The following ARL5B variants were observed in gnomAD, a reference collection of about 807,000 sequenced individuals.
ARL5B encodes ARF like GTPase 5B.
ARL5B carries 10 observed loss-of-function variants against 26.9 expected under a neutral mutation model. The observed-to-expected ratio is 0.37, with a 90% CI of 0.23 to 0.63. ARL5B has a LOEUF of 0.63. ARL5B is among the 30% of genes least tolerant of loss of function. ARL5B has a pLI of 0.62. For synonymous variants in ARL5B, 87 were observed against 70.4 expected, an observed-to-expected ratio of 1.24 and a Z score of -1.18; for missense variants, 167 against 213.9, an observed-to-expected ratio of 0.78 and a Z score of 1.37.
intron 4 of ARL5B, among the ~76,000 whole-genome samples, chr10:18,673,706 G>A (rs2131646643): frequency 6.6e-6 from 1 of 150,960 alleles, no homozygotes; most frequent in South Asian, 2.1e-4. Flanking sequence ...TACCATATTT[G>A]CCTATTAGAA....
chr10:18,660,326 G>A (rs1212900317), intron 1 of ARL5B, among the ~76,000 whole-genome samples: 2 of 152,188 alleles, frequency 1.3e-5, no homozygotes, highest in African/African-American at 2.4e-5. Flanking sequence ...ACACCTGGAA[G>A]TGGCAGGTCC....
chr10:18,672,865 T>C (rs1186272138), intron 4 of ARL5B, among the ~76,000 whole-genome samples, 160 bp downstream of exon 4: 1 of 152,152 alleles, frequency 6.6e-6, no homozygotes, highest in Admixed American at 6.6e-5. Flanking sequence ...AAAAAAAATG[T>C]TCATTACTTT....
At chr10:18,663,254 C>G (rs1029125279) in intron 1 of ARL5B, among the ~76,000 whole-genome samples, 1 of 151,934 alleles carries the variant, frequency 6.6e-6, no homozygotes, top group Non-Finnish European at 1.5e-5. Flanking sequence ...GTGATCTACT[C>G]GCCTCCCAAA....
At chr10:18,662,368 A>G (rs2059840844) in intron 1 of ARL5B, among the ~76,000 whole-genome samples, 1 of 152,140 alleles carries the variant, frequency 6.6e-6, no homozygotes, top group Non-Finnish European at 1.5e-5. Flanking sequence ...TAAATTAGAT[A>G]CCTTTCTGTG....
Position 18,677,768 on chromosome 10 carries a change from C to G in ARL5B, c.*2552C>G, listed in dbSNP as rs1590231426. The G allele has an allele frequency of 6.6e-6, 1 of 152,138 alleles. No individual in the cohort carries two copies. Among genetic ancestry groups the G allele is most frequent in the Admixed American group, 6.6e-5 (1 of 15,206 alleles). 9.4% of individuals were successfully genotyped at this position (152,138 alleles called of 1,614,324 possible). A position where few individuals can be genotyped will look rare whatever the true frequency, so the allele number is the denominator to read the frequency against. The stretch of plus-strand genomic sequence containing the variant: ...TATATTATACCTGTTCTTTAGAAGT[C>G]ATGTTAGCAGCTAATTATTTCAGTG... On this transcript the variant is annotated 3_prime_UTR_variant, in exon 6 of 6. Coordinates refer to ENST00000377275, the MANE Select transcript of ARL5B (RefSeq NM_178815.5).
In ARL5B at chr10:18,678,533, A is replaced by G. The variant is rs2059919637; in HGVS notation, c.*3317A>G. ...AGTGTAGTTTCTTAGAACAAATTAT[A>G]AACATAATCATTCTGAATAATCAAT... On this transcript the variant is annotated 3_prime_UTR_variant, in exon 6 of 6. Coordinates refer to ENST00000377275, the MANE Select transcript of ARL5B (RefSeq NM_178815.5). The G allele has an allele frequency of 6.6e-6, 1 of 151,904 alleles. No homozygotes were observed. Among genetic ancestry groups the G allele is most frequent in the African/African-American group, 2.4e-5 (1 of 41,442 alleles). 9.4% of individuals were successfully genotyped at this position (151,904 alleles called of 1,614,324 possible).
At chr10:18,660,664 AGATT>A (rs1220085834) in intron 1 of ARL5B, among the ~76,000 whole-genome samples, 1 of 152,166 alleles carries the variant, frequency 6.6e-6, no homozygotes, top group East Asian at 1.9e-4. Context: ...CTTGTTCTGT[AGATT>A]GATAAGAACA....
At chr10:18,672,325 A>G (rs1244616816) in intron 3 of ARL5B, among the ~76,000 whole-genome samples, 3 of 152,348 alleles carry the variant, frequency 2.0e-5, no homozygotes, top group South Asian at 4.1e-4. Flanking sequence ...GCTTTTTACT[A>G]CCAGCATTTG....
intron 3 of ARL5B, among the ~76,000 whole-genome samples, chr10:18,670,650 A>T (rs2059882974): frequency 6.6e-6 from 1 of 152,200 alleles, no homozygotes. Context: ...ATGACATTGT[A>T]GCATATGATT....
chr10:18,660,011 C>T (rs537321583), intron 1 of ARL5B: 11 of 916,660 alleles, frequency 1.2e-5, no homozygotes, highest in Non-Finnish European at 1.4e-5. Context: ...TTGAAGCGTG[C>T]TTGTGTCTAT....
At chr10:18,675,081 C>A in intron 5 of ARL5B, 87 bp from the exon 6 acceptor site, 2 of 1,208,590 alleles carry the variant, frequency 1.7e-6, no homozygotes, top group South Asian at 1.3e-5. Flanking sequence ...TGCTACCAGC[C>A]TTTGGTTAAG....
At chr10:18,672,926 T>G (rs1402842266) in intron 4 of ARL5B, among the ~76,000 whole-genome samples, 3 of 152,212 alleles carry the variant, frequency 2.0e-5, no homozygotes, top group African/African-American at 7.2e-5. Flanking sequence ...CTACTGTTAT[T>G]GTAAAAATTT....
intron 1 of ARL5B, among the ~76,000 whole-genome samples, chr10:18,660,061 CT>C (rs547976951): frequency 9.7e-4 from 141 of 145,990 alleles, no homozygotes; most frequent in Admixed American, 1.2e-3. Context: ...AAACCTAGAA[CT>C]TTTTTTTTTT....
rs2059928051 is a variant in ARL5B at position 18,680,540 on chromosome 10, T to C, written c.*5324T>C. The C allele has an allele frequency of 1.3e-5, 2 of 152,230 alleles. No homozygotes were observed. Among genetic ancestry groups the C allele is most frequent in the Admixed American group, 6.5e-5 (1 of 15,292 alleles). The allele number at this position is 152,230 out of a possible 1,614,324, so 9.4% of individuals were successfully genotyped here. On this transcript the variant is annotated 3_prime_UTR_variant, in exon 6 of 6. Coordinates refer to ENST00000377275, the MANE Select transcript of ARL5B (RefSeq NM_178815.5). ...GTGACTTATTTGCATATTTAAGCCC[T>C]ATTCACAAGAGACCATAATCATTTT...
chr10:18,660,048 C>T (rs1373316662), intron 1 of ARL5B, among the ~76,000 whole-genome samples: 3 of 151,886 alleles, frequency 2.0e-5, no homozygotes, highest in Non-Finnish European at 2.9e-5. Context: ...AGTGTCCGCC[C>T]AGAAACCTAG....
intron 1 of ARL5B, among the ~76,000 whole-genome samples, chr10:18,665,459 A>G (rs1479042102): frequency 6.6e-6 from 1 of 152,194 alleles, no homozygotes; most frequent in East Asian, 1.9e-4. Flanking sequence ...CTGCACTGTA[A>G]TAGGCTGTAT....
At chr10:18,674,526 G>A (rs1271999277) in intron 5 of ARL5B, among the ~76,000 whole-genome samples, 1 of 152,156 alleles carries the variant, frequency 6.6e-6, no homozygotes, top group Admixed American at 6.6e-5. Flanking sequence ...TTCTGCAAGA[G>A]TATGTCTTCT....
At position 18,675,386 on chromosome 10, in the gene ARL5B, CT is replaced by C. The variant is rs902244405; in HGVS notation, c.*181del. On this transcript the variant is annotated 3_prime_UTR_variant, in exon 6 of 6. Transcript: ENST00000377275. ...TGGAACATAAAAGATTTTTTCTTAA[CT>C]TTTTTTTTTTAACACACTAATCTTC... is the stretch of plus-strand genomic sequence containing the variant. The C allele has an allele frequency of 0.038, 17,057 of 451,664 alleles. 1 individual carries two copies. The highest frequency in any genetic ancestry group is 0.057 in the South Asian group (1,653 of 29,104). 28.0% of individuals were successfully genotyped at this position (451,664 alleles called of 1,614,324 possible).
In ARL5B at chr10:18,659,621, C is replaced by T. The variant is rs893941099; in HGVS notation, c.-17C>T. Reference sequence around the variant, plus strand: ...ACCTGCTGCCGAGGGACCCCGCGGCCCGCCCCGGTGCTCGTGATGGGGCTG... The same window carrying T: ...ACCTGCTGCCGAGGGACCCCGCGGCTCGCCCCGGTGCTCGTGATGGGGCTG... On this transcript the variant is annotated 5_prime_UTR_variant, in exon 1 of 6. Transcript: ENST00000377275. The T allele has an allele frequency of 7.5e-6, 12 of 1,607,040 alleles. No individual in the cohort carries two copies. Among genetic ancestry groups the T allele is most frequent in the Admixed American group, 3.4e-5 (2 of 59,384 alleles).
Sources: allele counts gnomAD v4.1 joint callset (sites outside exome capture counted in the v4.1 genomes callset), GRCh38; gene constraint gnomAD v4.1.1; transcripts MANE v1.5; gene names NCBI Gene and HGNC (gene_info 2026-07-23, HGNC 2026-07-21).